LIN7A: variants seen among roughly 807,000 people sequenced by gnomAD.
LIN7A encodes the protein lin-7 cell polarity scaffold A.
LIN7A carries 25 observed loss-of-function variants against 29.8 expected under a neutral mutation model. That is an observed-to-expected ratio of 0.84 (90% CI 0.61 to 1.17). The LOEUF is 1.17. Among genes scored for constraint, LIN7A ranks in the 50% most tolerant of loss-of-function variants. The pLI is 0.00. For missense variants in LIN7A, 239 were observed against 287.0 expected (o/e 0.83, Z 1.21); for synonymous variants, 118 against 107.5 (o/e 1.10, Z -0.60).
intron 2 of LIN7A, among the ~76,000 whole-genome samples, chr12:80,874,872 G>A (rs1874607470): frequency 6.6e-6 from 1 of 151,994 alleles, no homozygotes; most frequent in Admixed American, 6.6e-5. Flanking sequence ...TAGTCCCAGA[G>A]GCTGAGGGAG....
chr12:80,871,693 T>C (rs192123892), intron 2 of LIN7A, among the ~76,000 whole-genome samples: 3 of 152,086 alleles, frequency 2.0e-5, no homozygotes, highest in Non-Finnish European at 4.4e-5. Flanking sequence ...AATTCATAAA[T>C]ATTTTGCTTG....
chr12:80,897,732 G>A (rs561433239), intron 1 of LIN7A, among the ~76,000 whole-genome samples: 1 of 152,104 alleles, frequency 6.6e-6, no homozygotes, highest in Non-Finnish European at 1.5e-5. Flanking sequence ...CTGAACCTGG[G>A]AGGCGGAGGT....
At chr12:80,888,820 A>G (rs180743439) in intron 2 of LIN7A, among the ~76,000 whole-genome samples, 203 of 152,210 alleles carry the variant, frequency 1.3e-3, no homozygotes, top group African/African-American at 4.7e-3. Flanking sequence ...CTATCTGTAT[A>G]TTTTCCATTG....
chr12:80,805,522 T>C (rs10862191), intron 5 of LIN7A, among the ~76,000 whole-genome samples: 55,937 of 151,916 alleles, frequency 0.37, 10,556 homozygotes, highest in Non-Finnish European at 0.42. Flanking sequence ...ACCCTAGATC[T>C]AGCCATGGAG....
At chr12:80,886,909 A>G (rs1282016181) in intron 2 of LIN7A, among the ~76,000 whole-genome samples, 2 of 152,130 alleles carry the variant, frequency 1.3e-5, no homozygotes, top group African/African-American at 4.8e-5. Flanking sequence ...TTATTTGAAC[A>G]GATATCCATA....
intron 2 of LIN7A, among the ~76,000 whole-genome samples, chr12:80,879,296 T>C (rs1385159227): frequency 2.0e-5 from 3 of 152,102 alleles, no homozygotes; most frequent in Non-Finnish European, 4.4e-5. Context: ...GGAGATATCA[T>C]GGACACTAGA....
At chr12:80,816,140 C>G (rs1031189265) in intron 4 of LIN7A, among the ~76,000 whole-genome samples, 2 of 152,140 alleles carry the variant, frequency 1.3e-5, no homozygotes, top group African/African-American at 2.4e-5. Flanking sequence ...GTGGCTCTTG[C>G]CTGTAATCCC....
chr12:80,916,162 A>G (rs1174214547), intron 1 of LIN7A, among the ~76,000 whole-genome samples: 2 of 152,118 alleles, frequency 1.3e-5, no homozygotes, highest in African/African-American at 4.8e-5. Flanking sequence ...TTTTTCAATA[A>G]CTTTCTTACT....
At chr12:80,867,696 G>A (rs4842290) in intron 2 of LIN7A, among the ~76,000 whole-genome samples, 64,925 of 151,912 alleles carry the variant, frequency 0.43, 14,289 homozygotes, top group East Asian at 0.67. Context: ...GGGTTCAGAG[G>A]AATATCAACC....
At chr12:80,860,974 T>G (rs3782167) in intron 2 of LIN7A, 1 of 152,206 alleles carries the variant, frequency 6.6e-6, no homozygotes, top group Admixed American at 6.5e-5. Flanking sequence ...CTGTATCTGG[T>G]TTTTCACCCT....
chr12:80,837,346 A>G (rs2047228), intron 4 of LIN7A, among the ~76,000 whole-genome samples: 59,914 of 151,926 alleles, frequency 0.39, 11,963 homozygotes, highest in Non-Finnish European at 0.41. Context: ...AGGATCTTGA[A>G]ATGAGGCGAT....
At chr12:80,892,903 C>G (rs1186262350) in intron 1 of LIN7A, among the ~76,000 whole-genome samples, 1 of 152,118 alleles carries the variant, frequency 6.6e-6, no homozygotes, top group African/African-American at 2.4e-5. Flanking sequence ...AGAACCTCTG[C>G]TACATATTAT....
chr12:80,813,934 C>T (rs1302684706), intron 4 of LIN7A, among the ~76,000 whole-genome samples: 2 of 151,938 alleles, frequency 1.3e-5, no homozygotes, highest in African/African-American at 2.4e-5. Flanking sequence ...GAGTGTCAGA[C>T]GACCTAGGAG....
intron 1 of LIN7A, among the ~76,000 whole-genome samples, chr12:80,908,248 G>C (rs933596770): frequency 6.6e-6 from 1 of 151,996 alleles, no homozygotes; most frequent in Non-Finnish European, 1.5e-5. Flanking sequence ...CTTAAAAATA[G>C]ATTGCTATAT....
chr12:80,905,575 G>A (rs989965075), intron 1 of LIN7A, among the ~76,000 whole-genome samples: 5 of 151,964 alleles, frequency 3.3e-5, no homozygotes, highest in Admixed American at 2.0e-4. Context: ...CCTTGAGCTG[G>A]CAATCTTTGA....
chr12:80,859,574 T>C (rs1169519908), intron 2 of LIN7A, among the ~76,000 whole-genome samples: 1 of 152,184 alleles, frequency 6.6e-6, no homozygotes, highest in Non-Finnish European at 1.5e-5. Context: ...CATCTATTTA[T>C]GTCATTTATA....
intron 4 of LIN7A, among the ~76,000 whole-genome samples, chr12:80,843,360 G>A (rs1377523974): frequency 6.6e-6 from 1 of 152,116 alleles, no homozygotes; most frequent in Non-Finnish European, 1.5e-5. Context: ...TAACAAAGTT[G>A]TCTCATCTGC....
intron 2 of LIN7A, among the ~76,000 whole-genome samples, chr12:80,884,021 CA>C (rs911536948): frequency 5.3e-5 from 8 of 151,722 alleles, no homozygotes; most frequent in African/African-American, 1.5e-4. Context: ...GTTCATAAGA[CA>C]AAAAAATCTC....
intron 2 of LIN7A, among the ~76,000 whole-genome samples, chr12:80,849,051 G>A (rs1299666082): frequency 3.9e-5 from 6 of 152,042 alleles, no homozygotes; most frequent in Admixed American, 6.6e-5. Context: ...CTCCACTAAC[G>A]CTGACTCATC....
Sources: gnomAD v4.1 joint callset for allele counts (sites outside exome capture counted in the v4.1 genomes callset) on GRCh38, gnomAD v4.1.1 for gene constraint, MANE v1.5 for transcripts, NCBI Gene and HGNC (gene_info 2026-07-23, HGNC 2026-07-21) for gene names.